Variants in SMARCC2 observed in about 807,000 individuals in gnomAD.
SMARCC2 encodes the protein SWI/SNF complex subunit SMARCC2.
SMARCC2 carries 15 observed loss-of-function variants against 151.3 expected under a neutral mutation model. The ratio of observed to expected loss-of-function variants is 0.10; its 90% CI spans 0.07 to 0.15. The LOEUF is 0.15. Ranked by LOEUF, SMARCC2 falls within the 10% of genes least tolerant of loss-of-function variation. SMARCC2 has a pLI of 1.00. For missense variants in SMARCC2, 1,031 were observed against 1,599.7 expected, an observed-to-expected ratio of 0.64 and a Z score of 6.06; for synonymous variants, 590 against 609.5, an observed-to-expected ratio of 0.97 and a Z score of 0.47.
intron 23 of SMARCC2, 51 bp from the exon 24 acceptor site, chr12:56,169,962 G>T: frequency 6.4e-7 from 1 of 1,567,458 alleles, no homozygotes; most frequent in Non-Finnish European, 8.8e-7. Flanking sequence ...AGGGTGATTA[G>T]TTCTCACACA....
At chr12:56,173,656 T>C (rs1426393469) in intron 17 of SMARCC2, 40 bp downstream of exon 17, 24 of 1,551,738 alleles carry the variant, frequency 1.5e-5, no homozygotes, top group Non-Finnish European at 1.8e-5. Context: ...AGAAGCCCAA[T>C]CTTCCCAACC....
chr12:56,185,265 G>A, intron 3 of SMARCC2, 154 bp from the exon 4 acceptor site: 2 of 621,444 alleles, frequency 3.2e-6, no homozygotes, highest in Non-Finnish European at 5.9e-6. Flanking sequence ...TGCAACCTCT[G>A]CCTCCCAGGT....
intron 15 of SMARCC2, among the ~76,000 whole-genome samples, chr12:56,175,854 C>G (rs773647): frequency 0.94 from 142,833 of 152,198 alleles, 67,648 homozygotes; most frequent in East Asian, 1. Flanking sequence ...CAATTATCAT[C>G]ATTTACTATT....
chr12:56,181,675 G>A lies in SMARCC2; in HGVS notation c.840+29C>T, dbSNP rs200469263. 1,014 of 1,613,938 alleles carry A rather than the reference G, an allele frequency of 6.3e-4. 13 individuals carry two copies. In the South Asian group the frequency reaches 7.0e-3, roughly 11 times the overall value. ...TTGTTCTGAGACTTATGCTAAGGGC[G>A]CCAGGAAAAAAAGAACAGGATTTGT... is the stretch of plus-strand genomic sequence containing the variant. On this transcript the variant is annotated intron_variant, in intron 9 of 28. Transcript: ENST00000550164.
At position 56,163,370 on chromosome 12, in the gene SMARCC2, G is replaced by A. The variant is rs1396038534; in HGVS notation, c.*319C>T. ...AATCCATAGAAAATGCAGTAGTTTG[G>A]AGGGAGGTGTACCCTTAGAAGTGGT... is the stretch of plus-strand genomic sequence containing the variant. On this transcript the variant is annotated 3_prime_UTR_variant, in exon 29 of 29. Transcript: ENST00000550164. The A allele has an allele frequency of 4.9e-6, 1 of 203,682 alleles. No individual in the cohort carries two copies. The highest frequency in any genetic ancestry group is 9.8e-6 in the Non-Finnish European group (1 of 102,448). 12.6% of individuals were successfully genotyped at this position (203,682 alleles called of 1,614,324 possible). A position where few individuals can be genotyped will look rare whatever the true frequency, so the allele number is the denominator to read the frequency against.
At chr12:56,180,807 T>A (rs1876048816) in intron 11 of SMARCC2, among the ~76,000 whole-genome samples, 170 bp downstream of exon 11, 1 of 152,130 alleles carries the variant, frequency 6.6e-6, no homozygotes, top group Admixed American at 6.6e-5. Flanking sequence ...GAATATACAG[T>A]TAGAGGATTT....
At chr12:56,178,560 C>T in intron 13 of SMARCC2, 26 bp from the exon 14 acceptor site, 1 of 1,614,082 alleles carries the variant, frequency 6.2e-7, no homozygotes, top group Non-Finnish European at 8.5e-7. Context: ...CTGCTGGACA[C>T]TCAGCATTCC....
chr12:56,164,498 A>G lies in SMARCC2; in HGVS notation c.3466T>C (p.Phe1156Leu). ...NLHGHHHHLP[F>L]APGTLPPPNL... Reference sequence around the variant, plus strand: ...GGTGGGGGGAGAGTGCCCGGGGCGAACGGGAGATGGTGGTGATGCCCATGC... The same window carrying G: ...GGTGGGGGGAGAGTGCCCGGGGCGAGCGGGAGATGGTGGTGATGCCCATGC... Residue 1156 changes from phenylalanine to leucine, a missense_variant, in exon 28 of 29, where the codon TTC becomes CTC. Phe to Leu is a conservative substitution (Grantham distance 22). Transcript: ENST00000550164. The G allele has an allele frequency of 6.2e-7, 1 of 1,614,146 alleles. No homozygotes were observed. The highest frequency in any genetic ancestry group is 8.5e-7 in the Non-Finnish European group (1 of 1,180,034).
chr12:56,174,914 C>G, intron 15 of SMARCC2, 150 bp from the exon 16 acceptor site: 2 of 600,310 alleles, frequency 3.3e-6, no homozygotes, highest in Non-Finnish European at 6.0e-6. Context: ...TGAGTGCCTG[C>G]TATGTGCTAG....
rs1170612474 is a variant in SMARCC2 at position 56,178,514 on chromosome 12, C to T, written c.1200G>A (p.Thr400=). 11 of 1,614,200 alleles carry T rather than the reference C, an allele frequency of 6.8e-6. No individual in the cohort carries two copies. Among genetic ancestry groups the T allele is most frequent in the South Asian group, 3.3e-5 (3 of 91,090 alleles). The part of the protein sequence containing the change: ...TTGKDEDENS[T]GNKGEQTKNP... ...TCTTGGTCTGCTCTCCCTTGTTCCC[C>T]GTACTGTTCTCATCCTCATCCTACG... The change falls in exon 14 of 29, where the codon ACG becomes ACA. Residue 400 remains threonine (T), a synonymous_variant. Transcript: ENST00000550164.
At chr12:56,179,381 TTAAG>T (rs1156403515) in intron 11 of SMARCC2, among the ~76,000 whole-genome samples, 1 of 152,190 alleles carries the variant, frequency 6.6e-6, no homozygotes, top group Non-Finnish European at 1.5e-5. Context: ...GGAAGAATGG[TTAAG>T]TGTTAAACAT....
intron 11 of SMARCC2, among the ~76,000 whole-genome samples, chr12:56,179,862 T>G (rs1875790652): frequency 2.0e-5 from 3 of 151,968 alleles, no homozygotes; most frequent in Admixed American, 2.0e-4. Context: ...AATTTTTGTA[T>G]TTTTCGTAAA....
In SMARCC2 at chr12:56,189,417, G is replaced by A. The variant is rs1291570444; in HGVS notation, c.45C>T (p.Tyr15=). 1 of 1,526,360 alleles carries A rather than the reference G, an allele frequency of 6.6e-7. No individual in the cohort carries two copies. Among genetic ancestry groups the A allele is most frequent in the Non-Finnish European group, 8.8e-7 (1 of 1,131,828 alleles). 94.6% of individuals were successfully genotyped at this position (1,526,360 alleles called of 1,614,324 possible). A position where few individuals can be genotyped will look rare whatever the true frequency, so the allele number is the denominator to read the frequency against. ...ACTGGGTCACGGTGTCCGCGGCCTCGTAGTACTTCACGTTGGGGCCGCCGT... is the reference window on the plus strand; with the variant it reads ...ACTGGGTCACGGTGTCCGCGGCCTCATAGTACTTCACGTTGGGGCCGCCGT... ...KKDGGPNVKY[Y]EAADTVTQFD... Residue 15 remains tyrosine, a synonymous_variant, in exon 1 of 29, where the codon TAC becomes TAT. Coordinates refer to ENST00000550164, the MANE Select transcript of SMARCC2 (RefSeq NM_001330288.2).
intron 13 of SMARCC2, 86 bp downstream of exon 13, chr12:56,178,724 G>C: frequency 6.7e-7 from 1 of 1,495,640 alleles, no homozygotes; most frequent in Non-Finnish European, 9.3e-7. Flanking sequence ...GTAAAGTCTG[G>C]GCAGTGAAAA....
chr12:56,183,916 G>T lies in SMARCC2; in HGVS notation c.577C>A (p.Pro193Thr). 1.2e-6 allele frequency: 2 copies of T among 1,612,686 alleles called. No homozygotes were observed. Among genetic ancestry groups the T allele is most frequent in the Non-Finnish European group, 1.7e-6 (2 of 1,178,900 alleles). Residue 193 changes from proline (P) to threonine (T), a missense_variant, in exon 7 of 29, where the codon CCA becomes ACA. Transcript: ENST00000550164. ...GNLEEEEWVR[P>T]VMKRDKQVLL... ...ACCTGCTTATCCCTCTTCATGACTG[G>T]TCGTACCCATTCCTCTGGGGATAGA...
At chr12:56,187,456 A>G in intron 1 of SMARCC2, 150 bp from the exon 2 acceptor site, 1 of 732,832 alleles carries the variant, frequency 1.4e-6, no homozygotes, top group Non-Finnish European at 2.2e-6. Flanking sequence ...AAAATGGCAA[A>G]AGGGAGGCCC....
Position 56,163,554 on chromosome 12 carries a change from G to A in SMARCC2, c.*135C>T, listed in dbSNP as rs1195189828. The stretch of plus-strand genomic sequence containing the variant: ...CTCTGTTAGGCATGGTGAGGGCTTT[G>A]GAGGGGCGGAAGGAGCTTTCCTTAC... On this transcript the variant is annotated 3_prime_UTR_variant, in exon 29 of 29. Coordinates refer to ENST00000550164, the MANE Select transcript of SMARCC2 (RefSeq NM_001330288.2). 2.1e-6 allele frequency: 1 copy of A among 481,306 alleles called. No individual in the cohort carries two copies. The highest frequency in any genetic ancestry group is 3.7e-6 in the Non-Finnish European group (1 of 273,582). The allele number at this position is 481,306 out of a possible 1,614,324, so 29.8% of individuals were successfully genotyped here.
Position 56,172,567 on chromosome 12 carries a change from T to C in SMARCC2, c.1863+18A>G. ...GAGCGAACATTCTCTACCCCTAGAG[T>C]CGGCCCGCACCTCCTACCTTGGAGG... is the stretch of plus-strand genomic sequence containing the variant. On this transcript the variant is annotated intron_variant, in intron 19 of 28. Transcript: ENST00000550164. The C allele has an allele frequency of 6.2e-7, 1 of 1,613,798 alleles. No individual in the cohort carries two copies. Among genetic ancestry groups the C allele is most frequent in the Non-Finnish European group, 8.5e-7 (1 of 1,179,898 alleles).
chr12:56,172,030 A>G, intron 20 of SMARCC2, 93 bp from the exon 21 acceptor site: 1 of 1,192,630 alleles, frequency 8.4e-7, no homozygotes, highest in Non-Finnish European at 1.2e-6. Context: ...CTGGTTTCAA[A>G]GTTCTCTATG....
Sources: allele counts gnomAD v4.1 joint callset (sites outside exome capture counted in the v4.1 genomes callset), GRCh38; gene constraint gnomAD v4.1.1; transcripts MANE v1.5; gene names NCBI Gene and HGNC (gene_info 2026-07-23, HGNC 2026-07-21).